Variants in CD200R1L observed in about 807,000 individuals in gnomAD.
The protein encoded by CD200R1L is cell surface glycoprotein CD200 receptor 2.
A neutral mutation model predicts 24.8 loss-of-function variants in CD200R1L; 14 were observed. The observed-to-expected ratio is 0.56, with a 90% CI of 0.37 to 0.88. The LOEUF (loss-of-function observed/expected upper bound fraction) is 0.88. CD200R1L is among the 40% of genes least tolerant of loss of function. The probability of loss-of-function intolerance (pLI) is 0.00; values close to 1 mark genes in which losing one functional copy is unlikely to be tolerated. For missense variants in CD200R1L, 299 were observed against 297.8 expected (o/e 1.00, Z -0.03); for synonymous variants, 111 against 109.2 (o/e 1.02, Z -0.11).
chr3:112,836,792 A>G (rs1938961144), intron 3 of CD200R1L, among the ~76,000 whole-genome samples: 1 of 152,192 alleles, frequency 6.6e-6, no homozygotes, highest in South Asian at 2.1e-4. Flanking sequence ...TACTGATTTG[A>G]TATGCTGATA....
intron 2 of CD200R1L, among the ~76,000 whole-genome samples, chr3:112,841,616 G>C (rs750498540): frequency 1.2e-3 from 176 of 152,170 alleles, no homozygotes; most frequent in Non-Finnish European, 2.0e-3. Context: ...AGAAGGAAAG[G>C]CTGCCTTTCC....
chr3:112,834,861 G>C (rs935648095), intron 3 of CD200R1L, among the ~76,000 whole-genome samples: 4 of 152,218 alleles, frequency 2.6e-5, no homozygotes, highest in African/African-American at 9.6e-5. Flanking sequence ...TCCCTGCAAG[G>C]CTGCAGCTTG....
intron 2 of CD200R1L, among the ~76,000 whole-genome samples, chr3:112,838,881 C>G (rs1310417187): frequency 6.6e-6 from 1 of 152,036 alleles, no homozygotes; most frequent in Non-Finnish European, 1.5e-5. Context: ...GGCTGAAAGG[C>G]CTTAAGAGAA....
Position 112,845,904 on chromosome 3 carries a change from A to G in CD200R1L, c.-312T>C, listed in dbSNP as rs1939191987. ...TCTTTAATTTTTGCTGTCATTCTAT[A>G]TGTTTTTGACTGATTAACCACTGAT... On this transcript the variant is annotated 5_prime_UTR_variant, in exon 2 of 8. Transcript: ENST00000488794. The G allele has an allele frequency of 1.7e-6, 1 of 579,024 alleles. No homozygotes were observed. 35.9% of individuals were successfully genotyped at this position (579,024 alleles called of 1,614,324 possible).
intron 3 of CD200R1L, among the ~76,000 whole-genome samples, chr3:112,834,947 C>T (rs1346968091): frequency 6.6e-6 from 1 of 152,188 alleles, no homozygotes; most frequent in Non-Finnish European, 1.5e-5. Flanking sequence ...CTGCAGAGCC[C>T]TAAAAGGGTG....
intron 3 of CD200R1L, among the ~76,000 whole-genome samples, chr3:112,831,016 G>A (rs1316473704): frequency 1.3e-5 from 2 of 152,186 alleles, no homozygotes; most frequent in East Asian, 3.9e-4. Flanking sequence ...GGAATAGGGG[G>A]GAGGCATGGT....
chr3:112,819,699 G>A, intron 7 of CD200R1L, 73 bp downstream of exon 7: 3 of 1,462,798 alleles, frequency 2.1e-6, no homozygotes, highest in Non-Finnish European at 2.7e-6. Context: ...CCAGTACATT[G>A]TAAACTCAAA....
chr3:112,837,946 A>T lies in CD200R1L; in HGVS notation c.-22T>A. 3 of 1,217,950 alleles carry T rather than the reference A, an allele frequency of 2.5e-6. No individual in the cohort carries two copies. The highest frequency in any genetic ancestry group is 3.1e-6 in the Non-Finnish European group (3 of 955,006). The allele number at this position is 1,217,950 out of a possible 1,614,324, so 75.4% of individuals were successfully genotyped here. A position where few individuals can be genotyped will look rare whatever the true frequency, so the allele number is the denominator to read the frequency against. The stretch of plus-strand genomic sequence containing the variant: ...TTAAGTAAGTGAGCATTTTACCTTC[A>T]TTAAGACGTATTCTCTAACTTTGTA... On this transcript the variant is annotated 5_prime_UTR_variant, in exon 3 of 8. An upstream start codon of the reference 5' UTR is lost. Coordinates refer to ENST00000488794, the MANE Select transcript of CD200R1L (RefSeq NM_001199215.3).
chr3:112,843,531 C>G (rs1216642946), intron 2 of CD200R1L, among the ~76,000 whole-genome samples: 1 of 152,230 alleles, frequency 6.6e-6, no homozygotes, highest in East Asian at 1.9e-4. Context: ...TTCATTGCCA[C>G]TAGGCCAATC....
chr3:112,834,703 T>C (rs1003529843), intron 3 of CD200R1L, among the ~76,000 whole-genome samples: 3 of 152,206 alleles, frequency 2.0e-5, no homozygotes, highest in African/African-American at 4.8e-5. Flanking sequence ...GCTGGTGCTA[T>C]TGGCCTGGAT....
intron 3 of CD200R1L, among the ~76,000 whole-genome samples, chr3:112,834,050 T>C (rs1024077440): frequency 1.3e-5 from 2 of 152,022 alleles, no homozygotes; most frequent in African/African-American, 4.8e-5. Flanking sequence ...CATTCAGAAA[T>C]TGCCAGCTTC....
At chr3:112,819,146 T>C (rs1938470441) in intron 7 of CD200R1L, among the ~76,000 whole-genome samples, 1 of 152,008 alleles carries the variant, frequency 6.6e-6, no homozygotes, top group African/African-American at 2.4e-5. Flanking sequence ...CACAAGAACA[T>C]CATGGGGGAA....
intron 6 of CD200R1L, among the ~76,000 whole-genome samples, chr3:112,824,699 G>C (rs1938615699): frequency 2.0e-5 from 3 of 152,236 alleles, no homozygotes; most frequent in Admixed American, 2.0e-4. Flanking sequence ...GGAGCATTGT[G>C]TCAGAAGCAT....
intron 7 of CD200R1L, among the ~76,000 whole-genome samples, 173 bp downstream of exon 7, chr3:112,819,599 T>C (rs1938482427): frequency 6.6e-6 from 1 of 152,240 alleles, no homozygotes; most frequent in African/African-American, 2.4e-5. Context: ...CAGGCACATC[T>C]GCCTGGGCTC....
At chr3:112,842,208 T>G (rs1384287029) in intron 2 of CD200R1L, among the ~76,000 whole-genome samples, 2 of 152,134 alleles carry the variant, frequency 1.3e-5, no homozygotes, top group African/African-American at 4.8e-5. Flanking sequence ...GGGAAAAGAA[T>G]CTCAGGCTAC....
In CD200R1L at chr3:112,834,311, C is replaced by G. The variant is rs557778916; in HGVS notation, c.-18+3631G>C. 5.4e-5 allele frequency among the ~76,000 whole-genome samples: 8 copies of G among 148,496 alleles called. No individual in the cohort carries two copies. The South Asian group carries it at 1.7e-3, about 32-fold the overall frequency. On this transcript the variant is annotated intron_variant, in intron 3 of 7. Transcript: ENST00000488794. The stretch of plus-strand genomic sequence containing the variant: ...GTAGTTCAGTGGCATGACCTCGGCT[C>G]ACTGCAACCTCCACCTCCCTTCATT...
intron 2 of CD200R1L, among the ~76,000 whole-genome samples, chr3:112,839,108 T>A (rs2107351275): frequency 6.6e-6 from 1 of 152,220 alleles, no homozygotes; most frequent in East Asian, 1.9e-4. Flanking sequence ...CTTTCCATAC[T>A]TTCTACTCAT....
At chr3:112,820,662 C>A (rs1323601110) in intron 6 of CD200R1L, among the ~76,000 whole-genome samples, 1 of 151,318 alleles carries the variant, frequency 6.6e-6, no homozygotes, top group Non-Finnish European at 1.5e-5. Flanking sequence ...AACTCCTGAC[C>A]TCAGGTGATC....
intron 3 of CD200R1L, among the ~76,000 whole-genome samples, chr3:112,835,371 A>G (rs1268812018): frequency 6.6e-6 from 1 of 152,136 alleles, no homozygotes; most frequent in African/African-American, 2.4e-5. Flanking sequence ...GAAACCCTAT[A>G]GTGGGCAGGT....
Sources: allele counts gnomAD v4.1 joint callset (sites outside exome capture counted in the v4.1 genomes callset), GRCh38; gene constraint gnomAD v4.1.1; transcripts MANE v1.5; gene names NCBI Gene and HGNC (gene_info 2026-07-23, HGNC 2026-07-21).